REPS2: variants seen among roughly 807,000 people sequenced by gnomAD.
REPS2 encodes RALBP1 associated Eps domain containing 2, also known as ralBP1-associated Eps domain-containing protein 2.
Under a neutral mutation model 53.6 loss-of-function variants are expected in REPS2, and 23 were observed. That is an observed-to-expected ratio of 0.43 (90% CI 0.31 to 0.61). The LOEUF is 0.61. REPS2 is among the 20% of genes least tolerant of loss of function. The pLI is 0.11. For synonymous variants in REPS2, 238 were observed against 218.6 expected, an observed-to-expected ratio of 1.09 and a Z score of -0.78; for missense variants, 446 against 534.9, an observed-to-expected ratio of 0.83 and a Z score of 1.64.
chrX:16,982,351 A>T (rs1345454845), intron 1 of REPS2, among the ~76,000 whole-genome samples: 1 of 111,851 alleles, frequency 8.9e-6, no homozygotes, highest in Non-Finnish European at 1.9e-5. Context: ...TATACCTAGG[A>T]GTGGAATCAT....
intron 1 of REPS2, among the ~76,000 whole-genome samples, chrX:16,966,069 A>G (rs1391781022): frequency 8.9e-6 from 1 of 112,547 alleles, no homozygotes; most frequent in Non-Finnish European, 1.9e-5. Context: ...AGTACTGTCC[A>G]GCTTCGGCTC....
chrX:17,042,262 G>A (rs2061840315), intron 5 of REPS2, among the ~76,000 whole-genome samples: 1 of 111,797 alleles, frequency 8.9e-6, no homozygotes, highest in African/African-American at 3.3e-5. Context: ...TTGATGGGGG[G>A]AGGCCTCTTT....
At chrX:17,010,935 T>C (rs1024896245) in intron 2 of REPS2, among the ~76,000 whole-genome samples, 2 of 111,933 alleles carry the variant, frequency 1.8e-5, no homozygotes, top group African/African-American at 6.5e-5. Context: ...GAAATTCTAA[T>C]TTCATATATC....
intron 7 of REPS2, among the ~76,000 whole-genome samples, chrX:17,052,877 T>A (rs1005289363): frequency 2.7e-5 from 3 of 111,765 alleles, no homozygotes; most frequent in Non-Finnish European, 5.6e-5. Context: ...TGGAGTTAGG[T>A]TAGATTTGAC....
chrX:17,165,413 A>G, the REPS2 span, among the ~76,000 whole-genome samples: 1 of 111,451 alleles, frequency 9.0e-6, no homozygotes, highest in Non-Finnish European at 1.9e-5. Flanking sequence ...CTGGTTAGAA[A>G]TTGTTCATAG....
At chrX:17,128,352 AG>A (rs2063244571) in intron 14 of REPS2, among the ~76,000 whole-genome samples, 1 of 99,773 alleles carries the variant, frequency 1.0e-5, no homozygotes, top group Admixed American at 1.1e-4. Flanking sequence ...TGTTTGAGAC[AG>A]GGGACTGGCC....
the REPS2 span, among the ~76,000 whole-genome samples, chrX:17,163,810 A>C: frequency 2.7e-5 from 3 of 112,317 alleles, no homozygotes; most frequent in Non-Finnish European, 3.8e-5. Flanking sequence ...TCTACAAGAC[A>C]TATTAAATAC....
intron 2 of REPS2, among the ~76,000 whole-genome samples, chrX:17,014,313 A>G (rs2061462969): frequency 9.0e-6 from 1 of 110,593 alleles, no homozygotes; most frequent in African/African-American, 3.3e-5. Context: ...CTCCTAACTC[A>G]CTCCTGGGGT....
At chrX:16,967,972 G>C in intron 1 of REPS2, among the ~76,000 whole-genome samples, 1 of 110,640 alleles carries the variant, frequency 9.0e-6, no homozygotes, top group Non-Finnish European at 1.9e-5. Flanking sequence ...GGTTTTCCTA[G>C]GCAGAGGACT....
At chrX:17,016,884 A>T (rs2061505333) in intron 2 of REPS2, among the ~76,000 whole-genome samples, 1 of 110,271 alleles carries the variant, frequency 9.1e-6, no homozygotes, top group South Asian at 3.9e-4. Context: ...ATGTCCATCA[A>T]AAAACATTTA....
chrX:17,182,863 C>T, the REPS2 span, among the ~76,000 whole-genome samples: 26 of 111,383 alleles, frequency 2.3e-4, 1 homozygote, highest in South Asian at 9.2e-3. Context: ...CTATTATTAC[C>T]TCATTTCAAA....
intron 2 of REPS2, among the ~76,000 whole-genome samples, chrX:17,016,868 A>G (rs370614459): frequency 9.1e-6 from 1 of 109,472 alleles, no homozygotes; most frequent in Non-Finnish European, 1.9e-5. Flanking sequence ...CAAGATAAAT[A>G]AATTCATGTC....
At chrX:16,947,501 C>G (rs1279646652) in intron 1 of REPS2, among the ~76,000 whole-genome samples, 1 of 111,900 alleles carries the variant, frequency 8.9e-6, no homozygotes, top group Non-Finnish European at 1.9e-5. Context: ...CTGCTCGCTG[C>G]TCCTGCCCCT....
chrX:17,039,481 G>A (rs2061804998), intron 5 of REPS2, among the ~76,000 whole-genome samples: 2 of 112,115 alleles, frequency 1.8e-5, no homozygotes, highest in Non-Finnish European at 3.8e-5. Context: ...CTGTCAGTAT[G>A]ATTTAATAGT....
intron 14 of REPS2, among the ~76,000 whole-genome samples, chrX:17,112,223 G>T (rs1408487117): frequency 9.0e-6 from 1 of 111,486 alleles, no homozygotes; most frequent in Non-Finnish European, 1.9e-5. Flanking sequence ...GCCTCCCAAA[G>T]CCTTGGGATT....
intron 13 of REPS2, among the ~76,000 whole-genome samples, chrX:17,102,488 C>G (rs1177923896): frequency 8.9e-6 from 1 of 112,225 alleles, no homozygotes; most frequent in Non-Finnish European, 1.9e-5. Context: ...TCAGCATTCT[C>G]TCCTGCTGTG....
In REPS2 at chrX:17,029,560, C is replaced by T. The variant is rs138758958; in HGVS notation, c.708C>T (p.Pro236=). The T allele has an allele frequency of 3.3e-5, 40 of 1,209,202 alleles. No homozygotes were observed. The highest frequency in any genetic ancestry group is 1.0e-4 in the African/African-American group (6 of 57,274). Residue 236 remains proline, a synonymous_variant, in exon 5 of 18, where the codon CCC becomes CCT. Transcript: ENST00000357277. ...PYEARQPLVQ[P]EGSSSGGPGT... is the part of the protein sequence containing the mutation. ...AAGCTAGGCAGCCCCTTGTCCAGCC[C>T]GAGGGATCCTCATCAGGGGGCCCAG... is the stretch of plus-strand genomic sequence containing the variant.
At chrX:17,030,156 A>G (rs996280752) in intron 5 of REPS2, among the ~76,000 whole-genome samples, 1 of 112,321 alleles carries the variant, frequency 8.9e-6, no homozygotes, top group East Asian at 2.8e-4. Flanking sequence ...ATATTATGGC[A>G]AAAGCTTCTG....
At chrX:17,061,764 T>G (rs183486681) in intron 8 of REPS2, among the ~76,000 whole-genome samples, 9 of 112,455 alleles carry the variant, frequency 8.0e-5, no homozygotes, top group Admixed American at 5.6e-4. Context: ...GTGAAGTAAT[T>G]AGCTTACCAA....
Sources: gnomAD v4.1 joint callset for allele counts (sites outside exome capture counted in the v4.1 genomes callset) on GRCh38, gnomAD v4.1.1 for gene constraint, MANE v1.5 for transcripts, NCBI Gene and HGNC (gene_info 2026-07-23, HGNC 2026-07-21) for gene names.